Variants in DGKB observed in about 807,000 individuals in gnomAD.
DGKB encodes diacylglycerol kinase beta.
Under a neutral mutation model 114.3 loss-of-function variants are expected in DGKB, and 67 were observed. The ratio of observed to expected loss-of-function variants is 0.59; its 90% CI spans 0.48 to 0.72. DGKB has a LOEUF of 0.72. Ranked by LOEUF, DGKB falls within the 30% of genes least tolerant of loss-of-function variation. The probability of loss-of-function intolerance (pLI) is 0.00; values close to 1 mark genes in which losing one functional copy is unlikely to be tolerated. For synonymous variants in DGKB, 398 were observed against 323.1 expected (o/e 1.23, Z -2.49); for missense variants, 907 against 975.2 (o/e 0.93, Z 0.93).
intron 13 of DGKB, among the ~76,000 whole-genome samples, chr7:14,641,843 A>C (rs908714447): frequency 1.3e-5 from 2 of 152,066 alleles, no homozygotes; most frequent in African/African-American, 4.8e-5. Context: ...GTTTATGTAC[A>C]TTTATTCTTC....
rs112339514 is a variant in DGKB at position 14,832,342 on chromosome 7, C to T, written c.70+8852G>A. Among the ~76,000 whole-genome samples the T allele has an allele frequency of 1.3e-3, 194 of 152,134 alleles. 1 individual carries two copies. Among genetic ancestry groups the T allele is most frequent in the Middle Eastern group, 3.4e-3 (1 of 294 alleles). On this transcript the variant is annotated intron_variant, in intron 2 of 25. Coordinates refer to ENST00000402815, the MANE Select transcript of DGKB (RefSeq NM_001350709.2). ...TTTCCTTTCTGTTTTAAATCTTCCA[C>T]TTGTCCCCTGTGAACATGTCTTTCT...
chr7:14,384,816 G>A (rs1192297526), intron 21 of DGKB, among the ~76,000 whole-genome samples: 1 of 152,124 alleles, frequency 6.6e-6, no homozygotes, highest in East Asian at 1.9e-4. Flanking sequence ...ACTGGCATTT[G>A]ATAGGCAGAG....
intron 1 of DGKB, among the ~76,000 whole-genome samples, chr7:14,913,649 T>C (rs1028867649): frequency 6.6e-6 from 1 of 151,630 alleles, no homozygotes; most frequent in Non-Finnish European, 1.5e-5. Context: ...TAAATTGAAA[T>C]GGGAAGAAAA....
At chr7:14,869,434 A>T (rs1359274431) in intron 1 of DGKB, among the ~76,000 whole-genome samples, 1 of 152,144 alleles carries the variant, frequency 6.6e-6, no homozygotes, top group Non-Finnish European at 1.5e-5. Flanking sequence ...ACAACTTTAC[A>T]ATCGATATAC....
chr7:14,773,486 T>G (rs1837712538), intron 2 of DGKB, among the ~76,000 whole-genome samples: 1 of 152,016 alleles, frequency 6.6e-6, no homozygotes, highest in Non-Finnish European at 1.5e-5. Flanking sequence ...TTAAAGTAAA[T>G]GAAGAATGAC....
chr7:14,465,912 T>G (rs1780395987), intron 21 of DGKB, among the ~76,000 whole-genome samples: 1 of 152,144 alleles, frequency 6.6e-6, no homozygotes, highest in Non-Finnish European at 1.5e-5. Flanking sequence ...TAGCTGCTGG[T>G]GTACACAATT....
chr7:14,908,332 C>G (rs1271098299), upstream of DGKB, among the ~76,000 whole-genome samples: 1 of 152,140 alleles, frequency 6.6e-6, no homozygotes, highest in Non-Finnish European at 1.5e-5. Flanking sequence ...TTAGGTGTCT[C>G]TACATTAGAC....
intron 21 of DGKB, among the ~76,000 whole-genome samples, chr7:14,423,409 C>T (rs1053801220): frequency 3.3e-5 from 5 of 151,868 alleles, no homozygotes; most frequent in Admixed American, 6.6e-5. Flanking sequence ...AATTGTCTGA[C>T]GTTTAAGAGG....
chr7:14,567,457 A>G (rs867628593), intron 20 of DGKB, among the ~76,000 whole-genome samples: 1 of 69,976 alleles, frequency 1.4e-5, no homozygotes, highest in Non-Finnish European at 2.5e-5. Flanking sequence ...TATTATATAT[A>G]ATTATATATT....
At chr7:14,655,478 G>T (rs192295160) in intron 13 of DGKB, among the ~76,000 whole-genome samples, 1 of 151,750 alleles carries the variant, frequency 6.6e-6, no homozygotes. Context: ...CAGTATGGAG[G>T]TTCCTTAAAA....
At chr7:14,603,714 A>C (rs1231201580) in intron 17 of DGKB, among the ~76,000 whole-genome samples, 1 of 152,138 alleles carries the variant, frequency 6.6e-6, no homozygotes, top group African/African-American at 2.4e-5. Flanking sequence ...GATTTCTAAG[A>C]GCAGCTTTCT....
intron 20 of DGKB, among the ~76,000 whole-genome samples, chr7:14,521,211 G>A (rs1789712816): frequency 6.6e-6 from 1 of 152,070 alleles, no homozygotes; most frequent in South Asian, 2.1e-4. Context: ...AAAAATAGAA[G>A]CATAGACCAA....
chr7:14,673,829 C>A (rs2128951010), intron 12 of DGKB, among the ~76,000 whole-genome samples: 1 of 151,954 alleles, frequency 6.6e-6, no homozygotes, highest in South Asian at 2.1e-4. Context: ...GAGATTTCTC[C>A]CTCCTGCACT....
chr7:14,345,894 T>C (rs1812394989), intron 21 of DGKB, among the ~76,000 whole-genome samples: 1 of 151,618 alleles, frequency 6.6e-6, no homozygotes, highest in South Asian at 2.1e-4. Context: ...TTTATTTTCT[T>C]CTATGACTTG....
chr7:14,192,694 G>A (rs922631024), intron 23 of DGKB, among the ~76,000 whole-genome samples: 2 of 151,960 alleles, frequency 1.3e-5, no homozygotes, highest in Non-Finnish European at 2.9e-5. Context: ...TGATCCAAGT[G>A]CATTACATTT....
At chr7:14,267,479 C>A (rs55957612) in intron 23 of DGKB, among the ~76,000 whole-genome samples, 1 of 143,564 alleles carries the variant, frequency 7.0e-6, no homozygotes, top group Non-Finnish European at 1.5e-5. Context: ...TTTTTTTTTT[C>A]TTTTTTTTTT....
intron 21 of DGKB, among the ~76,000 whole-genome samples, chr7:14,442,053 A>G (rs1830151588): frequency 6.6e-6 from 1 of 151,996 alleles, no homozygotes; most frequent in Non-Finnish European, 1.5e-5. Context: ...ATGTCATAAA[A>G]TGAGTGGGAA....
At chr7:14,314,784 C>A (rs1408481888) in intron 23 of DGKB, among the ~76,000 whole-genome samples, 1 of 151,272 alleles carries the variant, frequency 6.6e-6, no homozygotes, top group African/African-American at 2.4e-5. Flanking sequence ...ACAGAGAACG[C>A]CACAAAGATA....
chr7:14,898,624 G>A lies in DGKB; in HGVS notation c.-188+3968C>T, dbSNP rs1782489548. On this transcript the variant is annotated intron_variant, in intron 1 of 25. Coordinates refer to ENST00000402815, the MANE Select transcript of DGKB (RefSeq NM_001350709.2). ...CCAATGAGCAAGAGAGCTGATTTTA[G>A]CACCACATTCAAAAATCAATCCTGA... is the stretch of plus-strand genomic sequence containing the variant. 2.0e-5 allele frequency among the ~76,000 whole-genome samples: 3 copies of A among 152,006 alleles called. No individual in the cohort carries two copies. In the South Asian group the frequency reaches 6.2e-4, roughly 31 times the overall value.
Sources: allele counts gnomAD v4.1 joint callset (sites outside exome capture counted in the v4.1 genomes callset), GRCh38; gene constraint gnomAD v4.1.1; transcripts MANE v1.5; gene names NCBI Gene and HGNC (gene_info 2026-07-23, HGNC 2026-07-21).